PDXDC1: variants seen among roughly 807,000 people sequenced by gnomAD.
PDXDC1 encodes the protein pyridoxal dependent decarboxylase domain containing 1.
PDXDC1 carries 42 observed loss-of-function variants against 100.1 expected under a neutral mutation model. That is an observed-to-expected ratio of 0.42 (90% CI 0.33 to 0.54). PDXDC1 has a LOEUF of 0.54. Among genes scored for constraint, PDXDC1 ranks in the 20% least tolerant of loss-of-function variants. The probability of loss-of-function intolerance (pLI) is 0.10; values close to 1 mark genes in which losing one functional copy is unlikely to be tolerated. For synonymous variants in PDXDC1, 260 were observed against 371.7 expected (o/e 0.70, Z 3.46); for missense variants, 636 against 979.2 (o/e 0.65, Z 4.68).
rs532196114 is a variant in PDXDC1 at position 15,037,960 on chromosome 16, T to C, written c.*1685T>C. On this transcript the variant is annotated 3_prime_UTR_variant, in exon 23 of 23. Transcript: ENST00000396410. Reference sequence around the variant, plus strand: ...AGACCCAACAGATGTAGGATCCAGATCTGGATTCGTGCCAGCCCCACCAAT... The same window carrying C: ...AGACCCAACAGATGTAGGATCCAGACCTGGATTCGTGCCAGCCCCACCAAT... 279 of 1,132,352 alleles carry C rather than the reference T, an allele frequency of 2.5e-4. 1 individual carries two copies. The African/African-American group carries it at 4.0e-3, about 16-fold the overall frequency. The allele number at this position is 1,132,352 out of a possible 1,614,324, so 70.1% of individuals were successfully genotyped here. A position where few individuals can be genotyped will look rare whatever the true frequency, so the allele number is the denominator to read the frequency against.
intron 13 of PDXDC1, among the ~76,000 whole-genome samples, chr16:15,024,138 C>T (rs1163671358): frequency 3.3e-5 from 5 of 152,260 alleles, no homozygotes; most frequent in African/African-American, 1.2e-4. Context: ...CCACACTGGC[C>T]CAGGCAGAAA....
the PDXDC1 span, among the ~76,000 whole-genome samples, chr16:15,146,369 C>T: frequency 6.6e-6 from 1 of 152,226 alleles, no homozygotes; most frequent in Non-Finnish European, 1.5e-5. Context: ...GTCCGCACGT[C>T]AGGGCGGGCA....
At chr16:15,027,869 T>C (rs1245775846) in intron 14 of PDXDC1, among the ~76,000 whole-genome samples, 2 of 152,272 alleles carry the variant, frequency 1.3e-5, no homozygotes. Flanking sequence ...AATGCAACAT[T>C]TGGGGGAAGG....
downstream of PDXDC1, among the ~76,000 whole-genome samples, chr16:15,038,883 C>CG (rs1342102878): frequency 2.0e-5 from 3 of 152,144 alleles, no homozygotes; most frequent in Non-Finnish European, 4.4e-5. Flanking sequence ...GGGGCACGCA[C>CG]GACTGCTGAG....
At chr16:15,014,173 C>T (rs1401762552) in intron 8 of PDXDC1, among the ~76,000 whole-genome samples, 3 of 151,798 alleles carry the variant, frequency 2.0e-5, no homozygotes, top group Admixed American at 6.6e-5. Flanking sequence ...CGCTGCTGCA[C>T]TCCGGCCTGG....
At chr16:15,000,931 G>A (rs1317661959) in intron 3 of PDXDC1, among the ~76,000 whole-genome samples, 1 of 149,092 alleles carries the variant, frequency 6.7e-6, no homozygotes, top group African/African-American at 2.4e-5. Flanking sequence ...TTTATATAAT[G>A]TATAGTATAT....
intron 1 of PDXDC1, among the ~76,000 whole-genome samples, chr16:14,993,169 T>C (rs1378318763): frequency 6.6e-6 from 1 of 152,278 alleles, no homozygotes; most frequent in Admixed American, 6.5e-5. Context: ...TACTTTAATT[T>C]TTAGGGTACG....
chr16:15,029,120 A>G, intron 15 of PDXDC1, 154 bp downstream of exon 15: 2 of 860,868 alleles, frequency 2.3e-6, no homozygotes, highest in Non-Finnish European at 3.7e-6. Flanking sequence ...TCTGTTCCCC[A>G]TTGCGTTACC....
At chr16:15,030,215 C>T (rs1443452391) in intron 16 of PDXDC1, among the ~76,000 whole-genome samples, 159 bp downstream of exon 16, 4 of 152,324 alleles carry the variant, frequency 2.6e-5, no homozygotes, top group East Asian at 3.9e-4. Context: ...TTAGCATTCC[C>T]ATGTAACTTA....
chr16:14,975,437 G>GC, intron 1 of PDXDC1: 3 of 985,238 alleles, frequency 3.0e-6, no homozygotes, highest in Non-Finnish European at 3.6e-6. Flanking sequence ...AAGAGGCTGG[G>GC]CGGGGTTCGG....
At position 15,022,762 on chromosome 16, in the gene PDXDC1, A is replaced by G. The variant is rs1458494506; in HGVS notation, c.1140+8A>G. 6.9e-6 allele frequency: 11 copies of G among 1,600,434 alleles called. No homozygotes were observed. The highest frequency in any genetic ancestry group is 1.7e-5 in the Admixed American group (1 of 58,460). ...AATTACATCAAAATCTTGGTATAGT[A>G]TATAAGTTCATCTGTTTTCAAAATA... is the stretch of plus-strand genomic sequence containing the variant. On this transcript the variant is annotated splice_region_variant and intron_variant, in intron 13 of 22. Coordinates refer to ENST00000396410, the MANE Select transcript of PDXDC1 (RefSeq NM_015027.4).
At chr16:14,984,219 C>A (rs1173267959) in intron 1 of PDXDC1, among the ~76,000 whole-genome samples, 2 of 151,342 alleles carry the variant, frequency 1.3e-5, no homozygotes, top group Non-Finnish European at 2.9e-5. Context: ...TTCTGTCTCC[C>A]TGAAAATGTC....
intron 16 of PDXDC1, chr16:15,092,645 T>C (rs1280595294): frequency 7.7e-7 from 1 of 1,302,316 alleles, no homozygotes; most frequent in Non-Finnish European, 1.1e-6. Context: ...AGCTATTAAG[T>C]TCATGAAAAT....
At chr16:14,981,102 C>T (rs2151160176) in intron 1 of PDXDC1, among the ~76,000 whole-genome samples, 2 of 152,400 alleles carry the variant, frequency 1.3e-5, no homozygotes, top group African/African-American at 4.8e-5. Context: ...GTGCAAGGAG[C>T]AAGTGACCAG....
intron 16 of PDXDC1, chr16:15,069,953 C>T (rs4012859): frequency 6.9e-7 from 1 of 1,456,130 alleles, no homozygotes; most frequent in East Asian, 2.3e-5. Flanking sequence ...AGTTTGAGTG[C>T]ACATGCAGTT....
At chr16:15,086,528 C>T in intron 16 of PDXDC1, 3 of 1,585,960 alleles carry the variant, frequency 1.9e-6, no homozygotes, top group Non-Finnish European at 2.6e-6. Flanking sequence ...TATCTTATAT[C>T]AATCATTTAT....
chr16:15,088,239 C>T (rs1051497285), intron 16 of PDXDC1, among the ~76,000 whole-genome samples: 1 of 152,046 alleles, frequency 6.6e-6, no homozygotes, highest in African/African-American at 2.4e-5. Flanking sequence ...TTTGGGAGGC[C>T]AAGGCAGGAG....
intron 16 of PDXDC1, among the ~76,000 whole-genome samples, chr16:15,049,893 A>C (rs992666090): frequency 2.0e-5 from 3 of 152,240 alleles, no homozygotes; most frequent in African/African-American, 7.2e-5. Context: ...AAGTATAAAA[A>C]ATGTTTTAAA....
At chr16:15,054,127 C>T (rs1475241611) in intron 16 of PDXDC1, among the ~76,000 whole-genome samples, 1 of 152,234 alleles carries the variant, frequency 6.6e-6, no homozygotes, top group African/African-American at 2.4e-5. Context: ...TCCCCTCCTG[C>T]CCGCCGCGCC....
Sources: gnomAD v4.1 joint callset for allele counts (sites outside exome capture counted in the v4.1 genomes callset) on GRCh38, gnomAD v4.1.1 for gene constraint, MANE v1.5 for transcripts, NCBI Gene and HGNC (gene_info 2026-07-23, HGNC 2026-07-21) for gene names.